Variants in SGPL1 observed in about 807,000 individuals in gnomAD.
SGPL1 encodes SP-lyase 1.
Under a neutral mutation model 68.9 loss-of-function variants are expected in SGPL1, and 37 were observed. That is an observed-to-expected ratio of 0.54 (90% CI 0.41 to 0.71). The LOEUF (loss-of-function observed/expected upper bound fraction) is 0.71. SGPL1 is among the 30% of genes least tolerant of loss of function. The pLI is 0.00. For synonymous variants in SGPL1, 236 were observed against 248.5 expected, an observed-to-expected ratio of 0.95 and a Z score of 0.47; for missense variants, 551 against 704.6, an observed-to-expected ratio of 0.78 and a Z score of 2.47.
chr10:70,865,872 CA>C (rs1846176953), intron 7 of SGPL1, among the ~76,000 whole-genome samples: 1 of 152,132 alleles, frequency 6.6e-6, no homozygotes, highest in African/African-American at 2.4e-5. Context: ...GAAAATTTTC[CA>C]AGTAGATGTT....
intron 3 of SGPL1, among the ~76,000 whole-genome samples, chr10:70,845,313 T>A (rs186353785): frequency 3.9e-5 from 6 of 152,324 alleles, no homozygotes; most frequent in Admixed American, 2.6e-4. Flanking sequence ...CATTTTGTGC[T>A]ATCCTTTTCA....
chr10:70,852,727 T>C (rs1485998), intron 4 of SGPL1, among the ~76,000 whole-genome samples: 8,032 of 109,510 alleles, frequency 0.073, 230 homozygotes, highest in Non-Finnish European at 0.085. Context: ...TGTGTGTGTG[T>C]GCGCGCGCAC....
intron 2 of SGPL1, among the ~76,000 whole-genome samples, chr10:70,842,162 C>G (rs1845726948): frequency 6.6e-6 from 1 of 152,070 alleles, no homozygotes; most frequent in African/African-American, 2.4e-5. Flanking sequence ...GTTTATTTAA[C>G]CATTCTTCTG....
chr10:70,844,623 G>A lies in SGPL1; in HGVS notation c.178G>A (p.Val60Ile). The A allele has an allele frequency of 6.2e-7, 1 of 1,614,026 alleles. No individual in the cohort carries two copies. Among genetic ancestry groups the A allele is most frequent in the Non-Finnish European group, 8.5e-7 (1 of 1,180,018 alleles). The change falls in exon 3 of 15, where the codon GTC (valine) becomes ATC (isoleucine). Residue 60 changes from valine (V) to isoleucine (I), a missense_variant. Coordinates refer to ENST00000373202, the MANE Select transcript of SGPL1 (RefSeq NM_003901.4). ...TLLIVWGYEF[V>I]FQPESLWSRF... ...GCTGATAGTCTGGGGATATGAGTTT[G>A]TCTTCCAGCCAGAGAGTAAGTATGC... is the stretch of plus-strand genomic sequence containing the variant.
chr10:70,837,995 C>T (rs955278881), intron 2 of SGPL1, among the ~76,000 whole-genome samples: 1 of 152,180 alleles, frequency 6.6e-6, no homozygotes, highest in African/African-American at 2.4e-5. Flanking sequence ...CATTAATATA[C>T]TCATGAGGGC....
chr10:70,839,666 T>G (rs1015701400), intron 2 of SGPL1, among the ~76,000 whole-genome samples: 1 of 152,106 alleles, frequency 6.6e-6, no homozygotes, highest in African/African-American at 2.4e-5. Flanking sequence ...TTGATAAAAT[T>G]GAAATAAACA....
intron 2 of SGPL1, among the ~76,000 whole-genome samples, chr10:70,832,983 A>T (rs1046092398): frequency 7.2e-5 from 11 of 152,248 alleles, no homozygotes; most frequent in African/African-American, 2.2e-4. Context: ...TAACAGAATC[A>T]GCATCTCCCT....
At chr10:70,874,811 A>G (rs1846356874) in intron 12 of SGPL1, among the ~76,000 whole-genome samples, 3 of 152,202 alleles carry the variant, frequency 2.0e-5, no homozygotes, top group African/African-American at 7.2e-5. Flanking sequence ...TTAAGGCAAG[A>G]GGACTGCTTG....
intron 2 of SGPL1, chr10:70,820,491 T>G (rs963307267): frequency 6.6e-6 from 1 of 152,130 alleles, no homozygotes; most frequent in African/African-American, 2.4e-5. Context: ...TCTTGTTTAT[T>G]GGGTCAGGCG....
In SGPL1 at chr10:70,844,456, T is replaced by C; in HGVS notation, c.28-17T>C. ...CTCTCTAAATGTAATGTTTTTATTT[T>C]TCACTTGTATTTCTAGAAGGCCTTT... On this transcript the variant is annotated splice_polypyrimidine_tract_variant and intron_variant, in intron 2 of 14. Transcript: ENST00000373202. 1 of 1,608,058 alleles carries C rather than the reference T, an allele frequency of 6.2e-7. No homozygotes were observed. The highest frequency in any genetic ancestry group is 8.5e-7 in the Non-Finnish European group (1 of 1,176,118).
chr10:70,838,439 T>A (rs979251114), intron 2 of SGPL1, among the ~76,000 whole-genome samples: 1 of 152,186 alleles, frequency 6.6e-6, no homozygotes, highest in Non-Finnish European at 1.5e-5. Flanking sequence ...AAGAGTTTAG[T>A]ATCATTGGGG....
At chr10:70,863,505 A>G (rs975397665) in intron 7 of SGPL1, among the ~76,000 whole-genome samples, 1 of 151,204 alleles carries the variant, frequency 6.6e-6, no homozygotes, top group Non-Finnish European at 1.5e-5. Context: ...TTATTTTTTT[A>G]TGAGCCACTC....
At position 70,873,358 on chromosome 10, in the gene SGPL1, A is replaced by G. The variant is rs147860288; in HGVS notation, c.1067A>G (p.Tyr356Cys). ...CTGCTACTTCTTCCACAGTATGGCT[A>G]TGCCCCAAAAGGCTCATCATTGGTG... Reference protein sequence around the residue: ...SISADTHKYGYAPKGSSLVLY... With the variant: ...SISADTHKYGCAPKGSSLVLY... The change falls in exon 12 of 15, where the codon TAT becomes TGT. Residue 356 changes from tyrosine (Y) to cysteine (C), a missense_variant. Transcript: ENST00000373202. The G allele has an allele frequency of 3.0e-4, 479 of 1,613,352 alleles. No homozygotes were observed. The highest frequency in any genetic ancestry group is 3.5e-4 in the Non-Finnish European group (416 of 1,179,240).
At chr10:70,873,693 G>A (rs1035913482) in intron 12 of SGPL1, 104 bp downstream of exon 12, 8 of 852,076 alleles carry the variant, frequency 9.4e-6, no homozygotes, top group Non-Finnish European at 1.6e-5. Flanking sequence ...CCCACCTGTT[G>A]TCTCCTGCGA....
chr10:70,835,487 C>A (rs545675102), intron 2 of SGPL1, among the ~76,000 whole-genome samples: 1 of 152,122 alleles, frequency 6.6e-6, no homozygotes, highest in South Asian at 2.1e-4. Context: ...CCTGTAATCC[C>A]AGCTCTTTGG....
chr10:70,870,549 AAATT>A (rs1311070311), intron 9 of SGPL1, among the ~76,000 whole-genome samples: 1 of 151,902 alleles, frequency 6.6e-6, no homozygotes, highest in Non-Finnish European at 1.5e-5. Flanking sequence ...AGATTGGCTT[AAATT>A]AATACCATTG....
intron 1 of SGPL1, among the ~76,000 whole-genome samples, chr10:70,816,445 A>AGG (rs1421107277): frequency 3.3e-5 from 5 of 152,098 alleles, no homozygotes; most frequent in Admixed American, 2.0e-4. Flanking sequence ...CTGATTCTGA[A>AGG]GGGAGTGCGG....
intron 2 of SGPL1, among the ~76,000 whole-genome samples, chr10:70,826,147 C>T (rs1389621135): frequency 6.6e-6 from 1 of 152,056 alleles, no homozygotes; most frequent in Non-Finnish European, 1.5e-5. Flanking sequence ...GTCACACTAC[C>T]GCACTCCAGC....
At chr10:70,819,161 ATAT>A (rs1369862251) in intron 2 of SGPL1, among the ~76,000 whole-genome samples, 1 of 152,240 alleles carries the variant, frequency 6.6e-6, no homozygotes, top group Non-Finnish European at 1.5e-5. Flanking sequence ...TTTACTCGGA[ATAT>A]TAACTTTGGA....
Sources: gnomAD v4.1 joint callset for allele counts (sites outside exome capture counted in the v4.1 genomes callset) on GRCh38, gnomAD v4.1.1 for gene constraint, MANE v1.5 for transcripts, NCBI Gene and HGNC (gene_info 2026-07-23, HGNC 2026-07-21) for gene names.